Variants in KDM7A observed in about 807,000 individuals in gnomAD.
KDM7A encodes lysine-specific demethylase 7A.
Under a neutral mutation model 114.8 loss-of-function variants are expected in KDM7A, and 28 were observed. That is an observed-to-expected ratio of 0.24 (90% CI 0.18 to 0.33). The LOEUF (loss-of-function observed/expected upper bound fraction) is 0.33, where lower values mean the gene tolerates loss of function less well. KDM7A is among the 10% of genes least tolerant of loss of function. KDM7A has a pLI of 1.00. For missense variants in KDM7A, 942 were observed against 1,142.5 expected (o/e 0.82, Z 2.53); for synonymous variants, 423 against 397.8 (o/e 1.06, Z -0.75).
At chr7:140,121,895 G>GGAAGCTTATC (rs1477346529) in intron 7 of KDM7A, among the ~76,000 whole-genome samples, 6 of 152,094 alleles carry the variant, frequency 3.9e-5, no homozygotes, top group African/African-American at 1.4e-4. Flanking sequence ...ACTGTAGTTT[G>GGAAGCTTATC]GAAGCTTATC....
At chr7:140,133,012 T>TCC (rs1305630227) in intron 3 of KDM7A, among the ~76,000 whole-genome samples, 1 of 152,226 alleles carries the variant, frequency 6.6e-6, no homozygotes, top group Non-Finnish European at 1.5e-5. Flanking sequence ...TATAATGCTT[T>TCC]CCACTCTCTT....
intron 1 of KDM7A, among the ~76,000 whole-genome samples, chr7:140,154,880 C>T (rs886465044): frequency 6.6e-5 from 10 of 151,976 alleles, no homozygotes; most frequent in Admixed American, 4.6e-4. Flanking sequence ...ATAAGTGTTA[C>T]AACTTTATGA....
chr7:140,115,521 T>C (rs1011185407), intron 9 of KDM7A, among the ~76,000 whole-genome samples: 2 of 152,144 alleles, frequency 1.3e-5, no homozygotes, highest in Non-Finnish European at 2.9e-5. Flanking sequence ...CTGAAACAGG[T>C]GCTGTGTCCA....
intron 1 of KDM7A, among the ~76,000 whole-genome samples, chr7:140,161,994 A>G (rs1794524901): frequency 6.6e-6 from 1 of 152,124 alleles, no homozygotes; most frequent in Non-Finnish European, 1.5e-5. Context: ...AAGTTCCCCC[A>G]GCTTTCACAA....
chr7:140,113,625 T>C, intron 9 of KDM7A, 43 bp from the exon 10 acceptor site: 1 of 1,071,470 alleles, frequency 9.3e-7, no homozygotes, highest in Non-Finnish European at 1.4e-6. Context: ...ATAGTTAAAA[T>C]GTTCTAAAGT....
intron 17 of KDM7A, 145 bp downstream of exon 17, chr7:140,096,410 C>T (rs1386636623): frequency 1.6e-6 from 1 of 637,756 alleles, no homozygotes; most frequent in African/African-American, 1.8e-5. Flanking sequence ...GATATGTCAG[C>T]ATTGTGCTTT....
chr7:140,125,258 A>G (rs2116798969), intron 6 of KDM7A, among the ~76,000 whole-genome samples: 1 of 152,338 alleles, frequency 6.6e-6, no homozygotes, highest in African/African-American at 2.4e-5. Context: ...CCAGCAACAA[A>G]TATAGCCCAG....
chr7:140,103,721 T>C (rs958127651), intron 11 of KDM7A, among the ~76,000 whole-genome samples: 10 of 152,200 alleles, frequency 6.6e-5, no homozygotes, highest in Admixed American at 3.9e-4. Context: ...TGATGGACAT[T>C]TGGGTTGGTT....
At chr7:140,124,059 G>C (rs1818658590) in intron 7 of KDM7A, among the ~76,000 whole-genome samples, 1 of 134,408 alleles carries the variant, frequency 7.4e-6, no homozygotes, top group Non-Finnish European at 1.6e-5. Flanking sequence ...GACAGAGCAA[G>C]ACTCTGTCTC....
rs762695459 is a variant in KDM7A at position 140,111,200 on chromosome 7, C to T, written c.1339-16G>A. The T allele has an allele frequency of 1.1e-5, 17 of 1,537,740 alleles. No individual in the cohort carries two copies. The Admixed American group carries it at 2.4e-4, about 22-fold the overall frequency. On this transcript the variant is annotated splice_polypyrimidine_tract_variant and intron_variant, in intron 10 of 19. Coordinates refer to ENST00000397560, the MANE Select transcript of KDM7A (RefSeq NM_030647.2). ...CAGATACAAGCTGTATTTGGATTAA[C>T]AAAAATAAGAAAACCAAAGTTATTT... is the stretch of plus-strand genomic sequence containing the variant.
chr7:140,104,111 T>C (rs935336283), intron 11 of KDM7A, among the ~76,000 whole-genome samples: 17 of 152,198 alleles, frequency 1.1e-4, no homozygotes, highest in African/African-American at 3.4e-4. Flanking sequence ...AATGTCTTCT[T>C]TTGAGAAGTG....
At chr7:140,120,420 T>C (rs1197519088) in intron 8 of KDM7A, 22 bp downstream of exon 8, 2 of 1,492,828 alleles carry the variant, frequency 1.3e-6, no homozygotes, top group Non-Finnish European at 1.9e-6. Flanking sequence ...CAAAAGGTCA[T>C]TTAAATACTG....
At chr7:140,169,438 C>T (rs544193627) in intron 1 of KDM7A, among the ~76,000 whole-genome samples, 1 of 152,254 alleles carries the variant, frequency 6.6e-6, no homozygotes, top group African/African-American at 2.4e-5. Flanking sequence ...CATTCCTCCC[C>T]TTGGATGATC....
chr7:140,172,106 G>A (rs1794651515), intron 1 of KDM7A, among the ~76,000 whole-genome samples: 2 of 152,128 alleles, frequency 1.3e-5, no homozygotes, highest in Admixed American at 1.3e-4. Context: ...GGACACTGTA[G>A]GTGAAAGTAG....
chr7:140,103,362 G>A (rs1322083345), intron 11 of KDM7A, among the ~76,000 whole-genome samples: 4 of 150,790 alleles, frequency 2.7e-5, no homozygotes, highest in Non-Finnish European at 5.9e-5. Flanking sequence ...TGTGCACAAC[G>A]TGCAGATTTG....
intron 11 of KDM7A, among the ~76,000 whole-genome samples, chr7:140,109,570 C>T (rs899407583): frequency 6.6e-6 from 1 of 152,198 alleles, no homozygotes; most frequent in African/African-American, 2.4e-5. Flanking sequence ...GTTTGAGTCC[C>T]TGCTATCAAT....
intron 4 of KDM7A, among the ~76,000 whole-genome samples, chr7:140,128,097 C>T (rs1818734280): frequency 6.6e-6 from 1 of 152,102 alleles, no homozygotes; most frequent in Non-Finnish European, 1.5e-5. Flanking sequence ...CCTCCTGATA[C>T]TGTCTTCTAA....
chr7:140,104,964 G>T (rs1338229665), intron 11 of KDM7A, among the ~76,000 whole-genome samples: 2 of 152,008 alleles, frequency 1.3e-5, no homozygotes, highest in African/African-American at 2.4e-5. Flanking sequence ...CTTTTATTTT[G>T]TTGAGCAGTG....
intron 12 of KDM7A, among the ~76,000 whole-genome samples, chr7:140,100,999 C>T (rs1470407560): frequency 2.0e-5 from 3 of 151,172 alleles, no homozygotes; most frequent in African/African-American, 4.9e-5. Context: ...CCACCCGCCT[C>T]GGCCTCCCAA....
Sources: gnomAD v4.1 joint callset for allele counts (sites outside exome capture counted in the v4.1 genomes callset) on GRCh38, gnomAD v4.1.1 for gene constraint, MANE v1.5 for transcripts, NCBI Gene and HGNC (gene_info 2026-07-23, HGNC 2026-07-21) for gene names.